Variants in RELN observed in about 807,000 individuals in gnomAD.
RELN encodes reelin.
In RELN, 108 loss-of-function variants were observed where a neutral mutation model predicts 427.6. The observed-to-expected ratio is 0.25, with a 90% CI of 0.22 to 0.30. The LOEUF is 0.30. RELN is among the 10% of genes least tolerant of loss of function. RELN has a pLI of 1.00. For synonymous variants in RELN, 1,524 were observed against 1,513.4 expected, an observed-to-expected ratio of 1.01 and a Z score of -0.16; for missense variants, 3,715 against 4,302.8, an observed-to-expected ratio of 0.86 and a Z score of 3.82.
At chr7:103,923,268 TG>T (rs1365171941) in intron 1 of RELN, among the ~76,000 whole-genome samples, 1 of 152,182 alleles carries the variant, frequency 6.6e-6, no homozygotes, top group Non-Finnish European at 1.5e-5. Context: ...TTCCTTAAAG[TG>T]CCACTAGCTC....
intron 4 of RELN, among the ~76,000 whole-genome samples, chr7:103,774,525 T>C (rs191379294): frequency 6.6e-6 from 1 of 152,278 alleles, no homozygotes; most frequent in Non-Finnish European, 1.5e-5. Flanking sequence ...ACTGAGCGTG[T>C]TAAAATGGAA....
chr7:103,894,162 C>A (rs1466844193), intron 2 of RELN, among the ~76,000 whole-genome samples: 1 of 152,078 alleles, frequency 6.6e-6, no homozygotes, highest in East Asian at 1.9e-4. Context: ...TCATATCTAC[C>A]AATCTATGAA....
At chr7:103,903,450 TTCTC>T (rs1217870976) in intron 2 of RELN, among the ~76,000 whole-genome samples, 2 of 152,100 alleles carry the variant, frequency 1.3e-5, no homozygotes, top group Admixed American at 6.6e-5. Flanking sequence ...TTCCTGTTCA[TTCTC>T]TGTCAGTCAT....
chr7:103,940,215 TC>T (rs1796082822), intron 1 of RELN, among the ~76,000 whole-genome samples: 1 of 152,306 alleles, frequency 6.6e-6, no homozygotes, highest in East Asian at 1.9e-4. Context: ...AGACCAAGTT[TC>T]ACTACTTGTT....
At position 103,816,714 on chromosome 7, in the gene RELN, G is replaced by T. The variant is rs1438153805; in HGVS notation, c.473+16823C>A. Among the ~76,000 whole-genome samples the T allele has an allele frequency of 2.0e-5, 3 of 152,074 alleles. No individual in the cohort carries two copies. The South Asian group carries it at 6.2e-4, about 32-fold the overall frequency. The stretch of plus-strand genomic sequence containing the variant: ...GCCTTGAGAGGCTTCTCCAAACTTG[G>T]GGATCATGTAAGCTACAATGACACT... On this transcript the variant is annotated intron_variant, in intron 3 of 64. Coordinates refer to ENST00000428762, the MANE Select transcript of RELN (RefSeq NM_005045.4).
Position 103,565,423 on chromosome 7 carries a change from T to G in RELN, c.5065A>C (p.Asn1689His). 3 of 1,614,112 alleles carry G rather than the reference T, an allele frequency of 1.9e-6. No individual in the cohort carries two copies. Among genetic ancestry groups the G allele is most frequent in the Non-Finnish European group, 2.5e-6 (3 of 1,180,004 alleles). ...SHSVQLQYSLNNGKDWHLVTE... is the reference protein window; with the variant it reads ...SHSVQLQYSLHNGKDWHLVTE... ...ACAAGATGCCAGTCCTTGCCATTGT[T>G]CAGAGAATACTGGAGCTGTACACTG... Residue 1689 changes from asparagine (N) to histidine (H), a missense_variant, in exon 34 of 65, where the codon AAC becomes CAC. By Grantham distance (68) the Asn-to-His change is moderately conservative. Transcript: ENST00000428762.
chr7:103,650,353 G>C lies in RELN; in HGVS notation c.1923C>G (p.Asn641Lys), dbSNP rs753289916. The change falls in exon 16 of 65, where the codon AAC (asparagine) becomes AAG (lysine). Residue 641 changes from asparagine to lysine, a missense_variant. Coordinates refer to ENST00000428762, the MANE Select transcript of RELN (RefSeq NM_005045.4). ...TCCTGGTGTTCCGGGTTAGTGCTGC[G>C]TTAGGAAGGGGAATTGTTATTCGGT... Reference protein sequence around the residue: ...GWNRITIPLPNAALTRNTRIR... With the variant: ...GWNRITIPLPKAALTRNTRIR... 2.5e-6 allele frequency: 4 copies of C among 1,612,410 alleles called. No individual in the cohort carries two copies. The Admixed American group carries it at 5.0e-5, about 20-fold the overall frequency.
chr7:103,790,586 A>G (rs1395728305), intron 3 of RELN, among the ~76,000 whole-genome samples: 1 of 151,958 alleles, frequency 6.6e-6, no homozygotes, highest in Non-Finnish European at 1.5e-5. Context: ...CTAACTCCCA[A>G]TGTGATAGAG....
intron 37 of RELN, among the ~76,000 whole-genome samples, chr7:103,557,498 A>G (rs1830551650): frequency 6.6e-6 from 1 of 152,216 alleles, no homozygotes; most frequent in African/African-American, 2.4e-5. Context: ...AAATCTCAGG[A>G]TATAAACAGA....
intron 1 of RELN, among the ~76,000 whole-genome samples, chr7:103,944,503 C>T (rs1796180526): frequency 6.6e-6 from 1 of 152,116 alleles, no homozygotes; most frequent in Non-Finnish European, 1.5e-5. Flanking sequence ...TGGATTACGT[C>T]AGGACCATTA....
chr7:103,883,331 G>A (rs924509194), intron 2 of RELN, among the ~76,000 whole-genome samples: 1 of 152,164 alleles, frequency 6.6e-6, no homozygotes, highest in African/African-American at 2.4e-5. Context: ...ATATCATACT[G>A]AATGGGCAAA....
intron 27 of RELN, among the ~76,000 whole-genome samples, chr7:103,591,112 C>T (rs889113647): frequency 6.6e-6 from 1 of 152,184 alleles, no homozygotes; most frequent in African/African-American, 2.4e-5. Context: ...AATTTTATTA[C>T]ACTTTTCATA....
chr7:103,659,236 C>T (rs945893896), intron 12 of RELN, among the ~76,000 whole-genome samples: 22 of 152,080 alleles, frequency 1.4e-4, no homozygotes, highest in African/African-American at 5.1e-4. Flanking sequence ...TAACTGATCT[C>T]TTGCCCTTTA....
At chr7:103,750,769 G>T (rs956165741) in intron 5 of RELN, among the ~76,000 whole-genome samples, 1 of 152,050 alleles carries the variant, frequency 6.6e-6, no homozygotes, top group South Asian at 2.1e-4. Flanking sequence ...CTGCATAAGA[G>T]AATTTATCTA....
chr7:103,493,674 C>A (rs2117011809), intron 57 of RELN, among the ~76,000 whole-genome samples: 1 of 151,904 alleles, frequency 6.6e-6, no homozygotes, highest in South Asian at 2.1e-4. Context: ...GGGAGAAAAG[C>A]CATAAGAAGA....
chr7:103,511,772 A>G (rs1829425603), intron 50 of RELN, among the ~76,000 whole-genome samples: 1 of 152,044 alleles, frequency 6.6e-6, no homozygotes, highest in Non-Finnish European at 1.5e-5. Context: ...TGAGTCCAGG[A>G]GTTCAGGGCT....
chr7:103,509,952 C>A (rs1401202385), intron 51 of RELN, among the ~76,000 whole-genome samples: 1 of 152,162 alleles, frequency 6.6e-6, no homozygotes, highest in East Asian at 1.9e-4. Context: ...CCATCTCACA[C>A]CAGTTAGAAT....
chr7:103,774,474 C>T (rs759626352), intron 4 of RELN, among the ~76,000 whole-genome samples: 1 of 151,966 alleles, frequency 6.6e-6, no homozygotes, highest in Non-Finnish European at 1.5e-5. Context: ...AAAAAGTTTG[C>T]TTTGCTTGAA....
At chr7:103,891,698 A>G (rs968332107) in intron 2 of RELN, among the ~76,000 whole-genome samples, 1 of 152,098 alleles carries the variant, frequency 6.6e-6, no homozygotes, top group African/African-American at 2.4e-5. Context: ...CTCTTCTTCC[A>G]GTTCTTACCA....
Sources: allele counts gnomAD v4.1 joint callset (sites outside exome capture counted in the v4.1 genomes callset), GRCh38; gene constraint gnomAD v4.1.1; transcripts MANE v1.5; gene names NCBI Gene and HGNC (gene_info 2026-07-23, HGNC 2026-07-21).